Variants in PARD3B observed in about 807,000 individuals in gnomAD.
PARD3B encodes par-3 family cell polarity regulator beta.
In PARD3B, 103 loss-of-function variants were observed where a neutral mutation model predicts 130.2. That is an observed-to-expected ratio of 0.79 (90% CI 0.67 to 0.93). The LOEUF is 0.93. Ranked by LOEUF, PARD3B falls within the 40% of genes least tolerant of loss-of-function variation. The probability of loss-of-function intolerance (pLI) is 0.00; values close to 1 mark genes in which losing one functional copy is unlikely to be tolerated. For synonymous variants in PARD3B, 583 were observed against 553.2 expected (o/e 1.05, Z -0.76); for missense variants, 1,609 against 1,499.2 (o/e 1.07, Z -1.21).
chr2:205,121,806 C>T lies in PARD3B; in HGVS notation c.1022C>T (p.Thr341Ile). The T allele has an allele frequency of 6.2e-7, 1 of 1,614,138 alleles. No homozygotes were observed. Among genetic ancestry groups the T allele is most frequent in the Non-Finnish European group, 8.5e-7 (1 of 1,180,036 alleles). Reference sequence around the variant, plus strand: ...CTCACAGGAACCGATAGTCCTGAAACAGATGCATCAGCTTCCCTGCAACAA... The same window carrying T: ...CTCACAGGAACCGATAGTCCTGAAATAGATGCATCAGCTTCCCTGCAACAA... ...ANLTGTDSPETDASASLQQNK... is the reference protein window; with the variant it reads ...ANLTGTDSPEIDASASLQQNK... The change falls in exon 8 of 23, where the codon ACA becomes ATA. Residue 341 changes from threonine (T) to isoleucine (I), a missense_variant. Transcript: ENST00000406610. The surrounding 1 kb of genome is among the most constrained non-coding windows in gnomAD (Gnocchi z 5.0).
chr2:204,989,850 C>A (rs924893338), intron 3 of PARD3B, among the ~76,000 whole-genome samples: 1 of 151,928 alleles, frequency 6.6e-6, no homozygotes, highest in African/African-American at 2.4e-5. Context: ...GCATTATTTC[C>A]AGGTTTTTGC....
At chr2:204,977,811 C>CAAAAAAAAA (rs35974349) in intron 3 of PARD3B, among the ~76,000 whole-genome samples, 1 of 59,048 alleles carries the variant, frequency 1.7e-5, no homozygotes, top group Non-Finnish European at 3.1e-5. Flanking sequence ...GACTCCGGCT[C>CAAAAAAAAA]AAAAAAAAAA....
chr2:205,612,860 A>G (rs75695647), intron 22 of PARD3B, among the ~76,000 whole-genome samples: 237 of 152,298 alleles, frequency 1.6e-3, no homozygotes, highest in African/African-American at 5.5e-3. Context: ...GCCCACGGGA[A>G]GCCTCCCCCT....
chr2:205,455,783 T>G (rs1226063257), intron 20 of PARD3B, among the ~76,000 whole-genome samples: 1 of 152,090 alleles, frequency 6.6e-6, no homozygotes, highest in Non-Finnish European at 1.5e-5. Flanking sequence ...ATAATCGTAG[T>G]ACAATATCAA....
chr2:204,941,519 C>G (rs907000191), intron 2 of PARD3B, among the ~76,000 whole-genome samples: 3 of 152,184 alleles, frequency 2.0e-5, no homozygotes, highest in African/African-American at 7.2e-5. Flanking sequence ...GACTTCCTAG[C>G]AGGATTAGAT....
intron 11 of PARD3B, among the ~76,000 whole-genome samples, chr2:205,159,377 GC>G (rs1455552450): frequency 6.6e-6 from 1 of 152,170 alleles, no homozygotes; most frequent in Non-Finnish European, 1.5e-5. Flanking sequence ...AAACCATGGT[GC>G]CCAGAATGCA....
At chr2:205,502,670 T>G (rs1284941812) in intron 21 of PARD3B, among the ~76,000 whole-genome samples, 1 of 152,134 alleles carries the variant, frequency 6.6e-6, no homozygotes, top group African/African-American at 2.4e-5. Flanking sequence ...CAAAGATAAG[T>G]TACCTAACAA....
intron 1 of PARD3B, among the ~76,000 whole-genome samples, chr2:204,660,328 A>C (rs1425504553): frequency 6.6e-6 from 1 of 152,192 alleles, no homozygotes; most frequent in Admixed American, 6.5e-5. Context: ...TATAAAAGCA[A>C]CCACCAGATA....
intron 2 of PARD3B, among the ~76,000 whole-genome samples, chr2:204,778,146 C>CAAAA (rs35683519): frequency 7.3e-5 from 8 of 109,330 alleles, no homozygotes; most frequent in African/African-American, 1.2e-4. Context: ...CACCCTCTAT[C>CAAAA]AAAAAAAAAA....
intron 22 of PARD3B, among the ~76,000 whole-genome samples, chr2:205,571,935 A>C (rs1024580385): frequency 6.6e-6 from 1 of 152,200 alleles, no homozygotes; most frequent in Non-Finnish European, 1.5e-5. Context: ...AAAGATGGAG[A>C]CAAGGTAGAC....
intron 2 of PARD3B, among the ~76,000 whole-genome samples, chr2:204,824,851 C>A (rs1345803913): frequency 3.3e-5 from 5 of 152,082 alleles, no homozygotes; most frequent in African/African-American, 1.2e-4. Flanking sequence ...AGACGCTGGC[C>A]CACCTAAGGG....
chr2:204,916,517 T>A (rs1055857795), intron 2 of PARD3B, among the ~76,000 whole-genome samples: 1 of 152,230 alleles, frequency 6.6e-6, no homozygotes, highest in East Asian at 1.9e-4. Context: ...TTTTAAATTC[T>A]ATAGAGATTT....
At chr2:204,892,061 A>T (rs1383263101) in intron 2 of PARD3B, among the ~76,000 whole-genome samples, 3 of 152,220 alleles carry the variant, frequency 2.0e-5, no homozygotes, top group East Asian at 3.9e-4. Flanking sequence ...ATATAACATT[A>T]TAACACAGGT....
chr2:204,686,409 C>G (rs558561517), intron 2 of PARD3B, 127 bp downstream of exon 2: 5 of 689,302 alleles, frequency 7.3e-6, no homozygotes, highest in African/African-American at 5.4e-5. Flanking sequence ...CAGGTTTCAC[C>G]TGGACAGCCC....
intron 11 of PARD3B, among the ~76,000 whole-genome samples, chr2:205,159,350 T>C (rs1366464491): frequency 2.0e-5 from 3 of 152,230 alleles, no homozygotes; most frequent in African/African-American, 7.2e-5. Flanking sequence ...ATTTATCACA[T>C]TTTATACACT....
At chr2:204,576,138 C>T (rs1392839948) in intron 1 of PARD3B, among the ~76,000 whole-genome samples, 2 of 152,200 alleles carry the variant, frequency 1.3e-5, no homozygotes, top group East Asian at 3.8e-4. Flanking sequence ...GCCTTGACAT[C>T]ATCTAGCCTT....
At chr2:205,340,056 T>C (rs2105804920) in intron 18 of PARD3B, among the ~76,000 whole-genome samples, 1 of 152,286 alleles carries the variant, frequency 6.6e-6, no homozygotes, top group Admixed American at 6.5e-5. Context: ...CTGAATATTT[T>C]TAAGTAGAGA....
intron 1 of PARD3B, among the ~76,000 whole-genome samples, chr2:204,609,628 G>A (rs1421606134): frequency 1.3e-5 from 2 of 152,154 alleles, no homozygotes; most frequent in Non-Finnish European, 2.9e-5. Flanking sequence ...TTTTCTAAAT[G>A]AAGTCAGTAG....
intron 18 of PARD3B, among the ~76,000 whole-genome samples, chr2:205,306,575 C>A (rs185627925): frequency 6.6e-6 from 1 of 152,224 alleles, no homozygotes; most frequent in East Asian, 1.9e-4. Flanking sequence ...GCTGGTTCTT[C>A]CCTTTTATTG....
Sources: allele counts gnomAD v4.1 joint callset (sites outside exome capture counted in the v4.1 genomes callset), GRCh38; gene constraint gnomAD v4.1.1; non-coding constraint Gnocchi (gnomAD v3.1); transcripts MANE v1.5; gene names NCBI Gene and HGNC (gene_info 2026-07-23, HGNC 2026-07-21).